Variants in FSTL5 observed in about 807,000 individuals in gnomAD.
The protein encoded by FSTL5 is follistatin-related protein 5.
A neutral mutation model predicts 89.1 loss-of-function variants in FSTL5; 62 were observed. That is an observed-to-expected ratio of 0.70 (90% CI 0.57 to 0.86). FSTL5 has a LOEUF of 0.86. FSTL5 is among the 40% of genes least tolerant of loss of function. FSTL5 has a pLI of 0.00. For missense variants in FSTL5, 1,057 were observed against 1,001.6 expected, an observed-to-expected ratio of 1.06 and a Z score of -0.75; for synonymous variants, 383 against 346.2, an observed-to-expected ratio of 1.11 and a Z score of -1.18.
chr4:161,911,942 C>A (rs1733705379), intron 4 of FSTL5, among the ~76,000 whole-genome samples: 2 of 152,210 alleles, frequency 1.3e-5, no homozygotes, highest in East Asian at 3.9e-4. Flanking sequence ...TCACTTTTCT[C>A]ATTTGGTTTT....
chr4:161,539,168 G>C (rs1037946266), intron 9 of FSTL5, among the ~76,000 whole-genome samples: 1 of 151,688 alleles, frequency 6.6e-6, no homozygotes, highest in African/African-American at 2.4e-5. Flanking sequence ...GTGTATGTGT[G>C]TGTGTGCATG....
intron 3 of FSTL5, among the ~76,000 whole-genome samples, chr4:161,924,235 C>T (rs1734065265): frequency 6.6e-6 from 1 of 151,104 alleles, no homozygotes; most frequent in African/African-American, 2.4e-5. Flanking sequence ...AGAAAAATTC[C>T]ACAAATTTAA....
At chr4:161,709,733 C>T (rs1033877019) in intron 6 of FSTL5, among the ~76,000 whole-genome samples, 3 of 151,920 alleles carry the variant, frequency 2.0e-5, no homozygotes, top group Admixed American at 2.0e-4. Context: ...GAGGTTGAGG[C>T]TTCAGTGAGC....
In FSTL5 at chr4:162,016,889, G is replaced by A. The variant is rs141366253; in HGVS notation, c.160+16736C>T. On this transcript the variant is annotated intron_variant, in intron 3 of 15. Coordinates refer to ENST00000306100, the MANE Select transcript of FSTL5 (RefSeq NM_020116.5). ...TTTCTGACCCATTTCAGCATCTTTTGGAGACAGATATCTACACTAACCATC... is the reference window on the plus strand; with the variant it reads ...TTTCTGACCCATTTCAGCATCTTTTAGAGACAGATATCTACACTAACCATC... 1.6e-4 allele frequency among the ~76,000 whole-genome samples: 24 copies of A among 152,104 alleles called. No individual in the cohort carries two copies. The East Asian group carries it at 4.7e-3, about 30-fold the overall frequency.
intron 8 of FSTL5, among the ~76,000 whole-genome samples, chr4:161,581,946 T>C (rs1733451583): frequency 6.6e-6 from 1 of 152,246 alleles, no homozygotes; most frequent in African/African-American, 2.4e-5. Flanking sequence ...ATTTGCTTTA[T>C]GTAAAAAGAG....
At chr4:161,556,797 T>G (rs1483668478) in intron 8 of FSTL5, among the ~76,000 whole-genome samples, 1 of 150,418 alleles carries the variant, frequency 6.6e-6, no homozygotes, top group Non-Finnish European at 1.5e-5. Flanking sequence ...ACAAACTTAG[T>G]TCGTATTTCT....
intron 4 of FSTL5, among the ~76,000 whole-genome samples, chr4:161,781,615 T>C (rs1741670712): frequency 6.6e-6 from 1 of 152,150 alleles, no homozygotes; most frequent in Non-Finnish European, 1.5e-5. Context: ...GCTTACAAAA[T>C]TGACCAGAAC....
At chr4:161,511,419 C>A (rs574385205) in intron 10 of FSTL5, among the ~76,000 whole-genome samples, 1 of 152,142 alleles carries the variant, frequency 6.6e-6, no homozygotes, top group East Asian at 1.9e-4. Context: ...ATTTTTAATT[C>A]CTTAATGACA....
At chr4:161,413,770 C>T (rs1731680770) in intron 15 of FSTL5, among the ~76,000 whole-genome samples, 1 of 152,152 alleles carries the variant, frequency 6.6e-6, no homozygotes, top group African/African-American at 2.4e-5. Context: ...ATGTCCTTTG[C>T]AGCAACATAG....
chr4:161,991,523 T>C (rs898247164), intron 3 of FSTL5, among the ~76,000 whole-genome samples: 1 of 152,302 alleles, frequency 6.6e-6, no homozygotes, highest in African/African-American at 2.4e-5. Flanking sequence ...GCCAACAAAA[T>C]ATTCTAGGGA....
chr4:162,058,225 G>A (rs1289504738), intron 2 of FSTL5, among the ~76,000 whole-genome samples: 3 of 151,962 alleles, frequency 2.0e-5, no homozygotes, highest in Non-Finnish European at 4.4e-5. Context: ...TATCAGTGAT[G>A]AGGAAGCAAA....
intron 4 of FSTL5, among the ~76,000 whole-genome samples, chr4:161,786,839 T>C (rs963615342): frequency 9.2e-5 from 14 of 152,158 alleles, no homozygotes; most frequent in African/African-American, 3.4e-4. Context: ...GTAACCTATC[T>C]GCCAATGTCC....
chr4:161,524,882 T>C (rs2126521185), intron 10 of FSTL5, among the ~76,000 whole-genome samples: 1 of 150,722 alleles, frequency 6.6e-6, no homozygotes, highest in East Asian at 2.0e-4. Flanking sequence ...CTCTTGAACC[T>C]GGGAGGGGGA....
chr4:162,111,891 A>C (rs1407378068), intron 1 of FSTL5, among the ~76,000 whole-genome samples: 1 of 152,180 alleles, frequency 6.6e-6, no homozygotes, highest in Non-Finnish European at 1.5e-5. Flanking sequence ...GGTAGTACTT[A>C]ATAAATTAAC....
intron 2 of FSTL5, among the ~76,000 whole-genome samples, chr4:162,060,987 T>C (rs1307563551): frequency 6.6e-6 from 1 of 152,136 alleles, no homozygotes; most frequent in Non-Finnish European, 1.5e-5. Flanking sequence ...GCTGCATTTG[T>C]AAATCTCTAC....
At chr4:161,881,234 G>A (rs1035152047) in intron 4 of FSTL5, among the ~76,000 whole-genome samples, 31 of 148,938 alleles carry the variant, frequency 2.1e-4, no homozygotes, top group Non-Finnish European at 5.9e-5. Flanking sequence ...AATAAATCTA[G>A]TTTATCATTT....
rs1354209256 is a variant in FSTL5 at position 161,538,148 on chromosome 4, G to A, written c.1312+18C>T. The A allele has an allele frequency of 6.8e-6, 11 of 1,612,598 alleles. No individual in the cohort carries two copies. The highest frequency in any genetic ancestry group is 2.2e-5 in the South Asian group (2 of 90,978). On this transcript the variant is annotated intron_variant, in intron 10 of 15. Coordinates refer to ENST00000306100, the MANE Select transcript of FSTL5 (RefSeq NM_020116.5). ...TTGAATATGGTGTGTGTGTGCTGTT[G>A]GGTGGTTCTATACATACGGGTCTTT... is the stretch of plus-strand genomic sequence containing the variant.
In FSTL5 at chr4:161,781,095, G is replaced by A. The variant is rs555609169; in HGVS notation, c.410-5021C>T. Among the ~76,000 whole-genome samples, 325 of 151,940 alleles carry A rather than the reference G, an allele frequency of 2.1e-3. 4 individuals are homozygous for A. Among genetic ancestry groups the A allele is most frequent in the African/African-American group, 7.6e-3 (316 of 41,514 alleles). On this transcript the variant is annotated intron_variant, in intron 4 of 15. Coordinates refer to ENST00000306100, the MANE Select transcript of FSTL5 (RefSeq NM_020116.5). ...CTATCTGTATATTATAATGTATGTA[G>A]AAACTGTTTTTCCTCAAATTACTCA...
chr4:162,075,926 G>A (rs976185853), intron 2 of FSTL5, among the ~76,000 whole-genome samples: 4 of 151,800 alleles, frequency 2.6e-5, no homozygotes, highest in Admixed American at 2.6e-4. Context: ...CAACTGCATT[G>A]TAACTTAATT....
Sources: allele counts gnomAD v4.1 joint callset (sites outside exome capture counted in the v4.1 genomes callset), GRCh38; gene constraint gnomAD v4.1.1; transcripts MANE v1.5; gene names NCBI Gene and HGNC (gene_info 2026-07-23, HGNC 2026-07-21).